Variants in NEK11 observed in about 807,000 individuals in gnomAD.
NEK11 encodes NIMA related kinase 11.
NEK11 carries 72 observed loss-of-function variants against 80.7 expected under a neutral mutation model. That is an observed-to-expected ratio of 0.89 (90% confidence interval 0.74 to 1.08). The LOEUF (loss-of-function observed/expected upper bound fraction) is 1.08, where lower values mean the gene tolerates loss of function less well. NEK11 is among the 50% of genes least tolerant of loss of function. NEK11 has a pLI of 0.00. For missense variants in NEK11, 764 were observed against 763.6 expected, an observed-to-expected ratio of 1.00 and a Z score of -0.01; for synonymous variants, 251 against 260.7, an observed-to-expected ratio of 0.96 and a Z score of 0.36.
intron 10 of NEK11, 106 bp from the exon 11 acceptor site, chr3:131,162,302 A>G (rs998526835): frequency 2.2e-6 from 3 of 1,390,716 alleles, no homozygotes; most frequent in Non-Finnish European, 2.9e-6. Context: ...CTGTCTCAAG[A>G]TGCTTTTGCT....
chr3:131,309,106 C>T (rs529062099), intron 17 of NEK11, among the ~76,000 whole-genome samples: 30 of 152,270 alleles, frequency 2.0e-4, no homozygotes, highest in Middle Eastern at 6.8e-3. Flanking sequence ...TACTGGCCCG[C>T]GGCCTAAGGG....
intron 3 of NEK11, chr3:131,072,181 T>C (rs2073483251): frequency 6.6e-6 from 1 of 152,256 alleles, no homozygotes; most frequent in African/African-American, 2.4e-5. Flanking sequence ...GTTTGACTAA[T>C]TCAGCAGCTG....
At chr3:131,311,096 G>A (rs1355244427) in intron 17 of NEK11, among the ~76,000 whole-genome samples, 2 of 152,088 alleles carry the variant, frequency 1.3e-5, no homozygotes, top group Non-Finnish European at 2.9e-5. Flanking sequence ...AGGAGATTTA[G>A]AAGCCCTGCA....
intron 15 of NEK11, 103 bp from the exon 16 acceptor site, chr3:131,243,333 C>A: frequency 1.0e-6 from 1 of 1,002,712 alleles, no homozygotes; most frequent in Non-Finnish European, 1.5e-6. Context: ...AATTTTGGAA[C>A]CAGATTTTTT....
At position 131,272,463 on chromosome 3, in the gene NEK11, CTTTTTTTTTTTTT is replaced by C. The variant is rs869304359; in HGVS notation, c.1622-997_1622-985del. Among the ~76,000 whole-genome samples the C allele has an allele frequency of 5.9e-4, 26 of 43,900 alleles. 1 individual carries two copies. Among genetic ancestry groups the C allele is most frequent in the East Asian group, 1.9e-3 (2 of 1,068 alleles). 28.8% of individuals were successfully genotyped at this position (43,900 alleles called of 152,430 possible). ...CTTGCTAATGGGCCAGTTTTAGCTT[CTTTTTTTTTTTTT>C]TTTTTTTTTTTTTTTTTGAGACAGA... On this transcript the variant is annotated intron_variant, in intron 16 of 17. Transcript: ENST00000383366.
At chr3:131,078,718 G>A (rs1369220685) in intron 3 of NEK11, among the ~76,000 whole-genome samples, 2 of 152,096 alleles carry the variant, frequency 1.3e-5, no homozygotes, top group African/African-American at 4.8e-5. Context: ...CAATGTGATT[G>A]AAGCTGGTAC....
intron 17 of NEK11, among the ~76,000 whole-genome samples, chr3:131,320,233 G>C (rs1050868860): frequency 6.6e-6 from 1 of 152,042 alleles, no homozygotes; most frequent in South Asian, 2.1e-4. Flanking sequence ...CAGATCATCA[G>C]TAAAATAAAA....
rs1274389032 is a variant in NEK11 at position 131,026,959 on chromosome 3, G to C, written c.-217G>C. 5 of 152,272 alleles carry C rather than the reference G, an allele frequency of 3.3e-5. No homozygotes were observed. Among genetic ancestry groups the C allele is most frequent in the Admixed American group, 3.3e-4 (5 of 15,288 alleles). 9.4% of individuals were successfully genotyped at this position (152,272 alleles called of 1,614,324 possible). On this transcript the variant is annotated 5_prime_UTR_variant, in exon 1 of 18. Transcript: ENST00000383366. ...TAGTTTGAGGCCTGCCCGATTACCC[G>C]CAAGACTTGGGCAGCCCCGGGCGCC... is the stretch of plus-strand genomic sequence containing the variant.
intron 17 of NEK11, among the ~76,000 whole-genome samples, chr3:131,318,062 T>C (rs1286259944): frequency 6.6e-6 from 1 of 151,910 alleles, no homozygotes; most frequent in African/African-American, 2.4e-5. Context: ...CCTCTATCTC[T>C]TCTCCCATTA....
chr3:131,272,463 C>CTTCTTTTTTTTTTTTT (rs2096210843), intron 16 of NEK11, among the ~76,000 whole-genome samples: 47 of 43,904 alleles, frequency 1.1e-3, no homozygotes, highest in African/African-American at 4.2e-3. Context: ...GTTTTAGCTT[C>CTTCTTTTTTTTTTTTT]TTTTTTTTTT....
chr3:131,244,290 T>C (rs2095563685), intron 16 of NEK11, among the ~76,000 whole-genome samples: 1 of 152,112 alleles, frequency 6.6e-6, no homozygotes, highest in South Asian at 2.1e-4. Context: ...CACATCTCCA[T>C]ATGGGAAACC....
intron 4 of NEK11, among the ~76,000 whole-genome samples, chr3:131,093,477 G>A (rs955365875): frequency 2.6e-5 from 4 of 151,986 alleles, no homozygotes; most frequent in Non-Finnish European, 2.9e-5. Context: ...AGGCTGGAGT[G>A]TGGTGGCATG....
rs1419381714 is a variant in NEK11 at position 131,333,897 on chromosome 3, C to G, written c.1719-15660C>G. ...GGCCATTACATAATGGTAAAGGGAT[C>G]AATTCAACAAGAAAAGCTAACTATC... On this transcript the variant is annotated intron_variant, in intron 17 of 17. Transcript: ENST00000383366. Among the ~76,000 whole-genome samples, 6 of 151,922 alleles carry G rather than the reference C, an allele frequency of 3.9e-5. No homozygotes were observed. The East Asian group carries it at 1.2e-3, about 29-fold the overall frequency.
At chr3:131,055,148 G>T (rs1424715037) in intron 3 of NEK11, among the ~76,000 whole-genome samples, 2 of 152,164 alleles carry the variant, frequency 1.3e-5, no homozygotes, top group Admixed American at 6.5e-5. Flanking sequence ...ATCTCTTCAG[G>T]TCCTGCAGTA....
At chr3:131,327,773 G>T (rs1370447302) in intron 17 of NEK11, 2 of 149,644 alleles carry the variant, frequency 1.3e-5, no homozygotes, top group African/African-American at 4.9e-5. Flanking sequence ...CGGGGTCTGT[G>T]CCAAATCTCT....
intron 3 of NEK11, among the ~76,000 whole-genome samples, chr3:131,044,422 C>CAAAAAAAAAAAAAAA (rs57412173): frequency 7.9e-5 from 3 of 37,762 alleles, no homozygotes; most frequent in Admixed American, 5.1e-4. Context: ...AAATGGAAAG[C>CAAAAAAAAAAAAAAA]AAAAAAAAAA....
At chr3:131,187,577 T>G (rs1272346783) in intron 14 of NEK11, among the ~76,000 whole-genome samples, 1 of 152,132 alleles carries the variant, frequency 6.6e-6, no homozygotes, top group Non-Finnish European at 1.5e-5. Flanking sequence ...GACACTGAAG[T>G]GCAAAGAGGT....
At chr3:131,229,860 T>G (rs565514884) in intron 15 of NEK11, among the ~76,000 whole-genome samples, 2 of 152,022 alleles carry the variant, frequency 1.3e-5, no homozygotes, top group East Asian at 3.9e-4. Flanking sequence ...AACAAATACA[T>G]TTGGAGAAAA....
chr3:131,192,588 G>A (rs1195694832), intron 14 of NEK11, among the ~76,000 whole-genome samples: 4 of 152,128 alleles, frequency 2.6e-5, no homozygotes, highest in Non-Finnish European at 1.5e-5. Flanking sequence ...ACATACAATG[G>A]AATATTATTC....
Sources: gnomAD v4.1 joint callset for allele counts (sites outside exome capture counted in the v4.1 genomes callset) on GRCh38, gnomAD v4.1.1 for gene constraint, MANE v1.5 for transcripts, NCBI Gene and HGNC (gene_info 2026-07-23, HGNC 2026-07-21) for gene names.